Variants in ADK observed in about 807,000 individuals in gnomAD.
ADK encodes N6,N6-dimethyladenosine kinase.
ADK carries 24 observed loss-of-function variants against 44.7 expected under a neutral mutation model. That is an observed-to-expected ratio of 0.54 (90% confidence interval 0.39 to 0.76). ADK has a LOEUF of 0.76. ADK is among the 30% of genes least tolerant of loss of function. The pLI, the probability that ADK is intolerant of heterozygous loss-of-function variation, is 0.00. For synonymous variants in ADK, 128 were observed against 142.6 expected, an observed-to-expected ratio of 0.90 and a Z score of 0.73; for missense variants, 321 against 425.1, an observed-to-expected ratio of 0.76 and a Z score of 2.15.
Position 74,385,046 on chromosome 10 carries a change from T to C in ADK, c.274-9095T>C, listed in dbSNP as rs1339304120. On this transcript the variant is annotated intron_variant, in intron 4 of 10. Coordinates refer to ENST00000539909, the MANE Select transcript of ADK (RefSeq NM_006721.4). ...TGGGAGGATGGAGTGACAGAGAGAATGGGAAATGACATCCAATGGGTAGAG... is the reference window on the plus strand; with the variant it reads ...TGGGAGGATGGAGTGACAGAGAGAACGGGAAATGACATCCAATGGGTAGAG... Among the ~76,000 whole-genome samples the C allele has an allele frequency of 3.9e-5, 6 of 152,290 alleles. No homozygotes were observed. The East Asian group carries it at 1.2e-3, about 29-fold the overall frequency.
chr10:74,571,161 T>A (rs1470001601), intron 7 of ADK, among the ~76,000 whole-genome samples: 8 of 152,212 alleles, frequency 5.3e-5, no homozygotes, highest in Non-Finnish European at 1.2e-4. Context: ...GTGGATAAGC[T>A]TTTTGATGTG....
intron 2 of ADK, among the ~76,000 whole-genome samples, chr10:74,213,250 C>T (rs1843887909): frequency 6.6e-6 from 1 of 152,060 alleles, no homozygotes; most frequent in Non-Finnish European, 1.5e-5. Context: ...GGACTACAGG[C>T]ATGTGCCCTA....
chr10:74,386,472 A>T (rs1261958270), intron 4 of ADK, among the ~76,000 whole-genome samples: 3 of 152,184 alleles, frequency 2.0e-5, no homozygotes, highest in Admixed American at 6.5e-5. Flanking sequence ...TATTAATAGA[A>T]ATCTTTCCAT....
Position 74,274,881 on chromosome 10 carries a change from C to T in ADK, c.195-39786C>T, listed in dbSNP as rs766796071. Among the ~76,000 whole-genome samples the T allele has an allele frequency of 9.2e-5, 14 of 151,580 alleles. 1 individual carries two copies. Among genetic ancestry groups the T allele is most frequent in the Middle Eastern group, 3.4e-3 (1 of 294 alleles). ...TGCTGGGATTACCAGCATGAGACAC[C>T]GTACCTGACTGGAGGAACTACGTTT... is the stretch of plus-strand genomic sequence containing the variant. On this transcript the variant is annotated intron_variant, in intron 3 of 10. Transcript: ENST00000539909.
intron 6 of ADK, among the ~76,000 whole-genome samples, chr10:74,404,940 C>T (rs141151999): frequency 1.4e-4 from 22 of 152,170 alleles, no homozygotes; most frequent in East Asian, 5.8e-4. Flanking sequence ...TTAGAGCTAT[C>T]GGTTTTTAGT....
chr10:74,632,542 G>A (rs950390479), intron 9 of ADK, among the ~76,000 whole-genome samples: 2 of 152,124 alleles, frequency 1.3e-5, no homozygotes, highest in African/African-American at 4.8e-5. Context: ...TTGGCTTGTA[G>A]CTATATCACT....
intron 1 of ADK, among the ~76,000 whole-genome samples, chr10:74,185,407 G>A (rs1459259416): frequency 6.6e-6 from 1 of 151,974 alleles, no homozygotes; most frequent in Non-Finnish European, 1.5e-5. Flanking sequence ...AGAAATCAAT[G>A]TTGAGTAGGA....
At chr10:74,473,424 T>G (rs942244459) in intron 6 of ADK, among the ~76,000 whole-genome samples, 2 of 152,176 alleles carry the variant, frequency 1.3e-5, no homozygotes, top group Non-Finnish European at 2.9e-5. Context: ...TACAGGTTTA[T>G]TTTCCCAGTT....
chr10:74,637,048 A>T (rs1362476241), intron 9 of ADK, among the ~76,000 whole-genome samples: 7 of 152,224 alleles, frequency 4.6e-5, no homozygotes. Context: ...TTATAAGAAG[A>T]CAAGGATGAC....
Position 74,631,536 on chromosome 10 carries a change from A to G in ADK, c.877+31043A>G, listed in dbSNP as rs544638145. On this transcript the variant is annotated intron_variant, in intron 9 of 10. Transcript: ENST00000539909. ...GCCTCCTAAAGTGCTGGGATTACAG[A>G]CGTGAGCCACTGTGCCTGGCCCTGT... 4.0e-5 allele frequency among the ~76,000 whole-genome samples: 6 copies of G among 151,536 alleles called. No individual in the cohort carries two copies. In the South Asian group the frequency reaches 8.3e-4, roughly 21 times the overall value.
chr10:74,658,898 A>T (rs555491305), intron 9 of ADK, among the ~76,000 whole-genome samples: 2 of 152,160 alleles, frequency 1.3e-5, no homozygotes, highest in East Asian at 3.9e-4. Flanking sequence ...ACACACACAC[A>T]TATATACACG....
At chr10:74,394,706 A>G (rs1309517957) in intron 5 of ADK, among the ~76,000 whole-genome samples, 1 of 152,078 alleles carries the variant, frequency 6.6e-6, no homozygotes, top group African/African-American at 2.4e-5. Flanking sequence ...ACAGAGAGAC[A>G]GAGAGAGAGT....
At chr10:74,550,021 G>T (rs1399821088) in intron 7 of ADK, among the ~76,000 whole-genome samples, 1 of 151,946 alleles carries the variant, frequency 6.6e-6, no homozygotes. Flanking sequence ...TTTGCAGTCA[G>T]GGAGCTTTGA....
chr10:74,293,907 T>C (rs1057423272), intron 3 of ADK, among the ~76,000 whole-genome samples: 10 of 152,332 alleles, frequency 6.6e-5, no homozygotes, highest in African/African-American at 2.4e-4. Flanking sequence ...AAATAGAACT[T>C]GGCCAGCAGC....
rs111639827 is a variant in ADK at position 74,610,489 on chromosome 10, A to G, written c.877+9996A>G. Reference sequence around the variant, plus strand: ...GGATGAAAAAGTTGTAAAGATGGGTAGTGATAATTGCACAATAATATGAAT... The same window carrying G: ...GGATGAAAAAGTTGTAAAGATGGGTGGTGATAATTGCACAATAATATGAAT... On this transcript the variant is annotated intron_variant, in intron 9 of 10. Coordinates refer to ENST00000539909, the MANE Select transcript of ADK (RefSeq NM_006721.4). Among the ~76,000 whole-genome samples the G allele has an allele frequency of 3.9e-5, 6 of 152,318 alleles. 1 individual carries two copies. Among genetic ancestry groups the G allele is most frequent in the African/African-American group, 9.6e-5 (4 of 41,576 alleles).
chr10:74,681,382 G>A (rs191559008), intron 10 of ADK, among the ~76,000 whole-genome samples: 8 of 152,240 alleles, frequency 5.3e-5, no homozygotes, highest in East Asian at 1.9e-4. Flanking sequence ...ATGATGTCAC[G>A]TAGGAAAACC....
chr10:74,168,781 T>C (rs973991065), intron 1 of ADK, among the ~76,000 whole-genome samples: 8 of 151,414 alleles, frequency 5.3e-5, no homozygotes, highest in African/African-American at 1.9e-4. Context: ...CCCGGCTAAT[T>C]TGTGTATTTT....
Position 74,170,448 on chromosome 10 carries a change from A to T in ADK, c.65+19105A>T, listed in dbSNP as rs180905767. On this transcript the variant is annotated intron_variant, in intron 1 of 10. Transcript: ENST00000539909. Reference sequence around the variant, plus strand: ...AACTCAGGAACAAGGTTATGATTTTAAAAATGCAAGTTTTCAAAAAGGGCA... The same window carrying T: ...AACTCAGGAACAAGGTTATGATTTTTAAAATGCAAGTTTTCAAAAAGGGCA... 3.0e-3 allele frequency among the ~76,000 whole-genome samples: 461 copies of T among 152,296 alleles called. 2 individuals carry two copies. The highest frequency in any genetic ancestry group is 5.1e-3 in the Non-Finnish European group (345 of 68,026).
chr10:74,547,630 C>T (rs954909761), intron 7 of ADK, among the ~76,000 whole-genome samples: 2 of 146,654 alleles, frequency 1.4e-5, no homozygotes, highest in African/African-American at 5.0e-5. Context: ...TACAGGCGCG[C>T]ACCACCATGC....
Sources: gnomAD v4.1 joint callset for allele counts (sites outside exome capture counted in the v4.1 genomes callset) on GRCh38, gnomAD v4.1.1 for gene constraint, MANE v1.5 for transcripts, NCBI Gene and HGNC (gene_info 2026-07-23, HGNC 2026-07-21) for gene names.